The following NMNAT2 variants were observed in gnomAD, a reference collection of about 807,000 sequenced individuals.
NMNAT2 encodes nicotinamide nucleotide adenylyltransferase 2.
A neutral mutation model predicts 41.6 loss-of-function variants in NMNAT2; 11 were observed. The observed-to-expected ratio is 0.26, with a 90% CI of 0.17 to 0.44. The LOEUF is 0.44. Ranked by LOEUF, NMNAT2 falls within the 20% of genes least tolerant of loss-of-function variation. The pLI is 1.00. For synonymous variants in NMNAT2, 148 were observed against 151.2 expected (o/e 0.98, Z 0.16); for missense variants, 288 against 407.7 (o/e 0.71, Z 2.53).
At chr1:183,263,424 C>T (rs761142554) in intron 8 of NMNAT2, among the ~76,000 whole-genome samples, 21 of 152,188 alleles carry the variant, frequency 1.4e-4, no homozygotes, top group Non-Finnish European at 1.9e-4. Flanking sequence ...TGCACTAGGA[C>T]TCACTACTTA....
intron 1 of NMNAT2, among the ~76,000 whole-genome samples, chr1:183,294,665 C>CAATATCCTTTA (rs1477740226): frequency 6.6e-6 from 1 of 152,182 alleles, no homozygotes; most frequent in South Asian, 2.1e-4. Context: ...TGGCAGGCGC[C>CAATATCCTTTA]TGTAATCCTA....
chr1:183,322,157 T>G (rs1200610507), intron 1 of NMNAT2, among the ~76,000 whole-genome samples: 2 of 152,112 alleles, frequency 1.3e-5, no homozygotes, highest in Non-Finnish European at 2.9e-5. Context: ...TTAATAACCC[T>G]CACATTAAAC....
intron 8 of NMNAT2, among the ~76,000 whole-genome samples, chr1:183,275,614 G>T (rs1170071616): frequency 6.6e-6 from 1 of 151,664 alleles, no homozygotes; most frequent in Non-Finnish European, 1.5e-5. Context: ...GGTGTCCTGG[G>T]ACTCCAGGAT....
chr1:183,306,623 GAC>G (rs776798157), intron 1 of NMNAT2, among the ~76,000 whole-genome samples: 1 of 152,130 alleles, frequency 6.6e-6, no homozygotes, highest in African/African-American at 2.4e-5. Context: ...GACACAGAAA[GAC>G]ACAGTTTTAA....
At chr1:183,341,749 C>CAAAAAAAAAA (rs1475480146) in intron 1 of NMNAT2, among the ~76,000 whole-genome samples, 10 of 31,672 alleles carry the variant, frequency 3.2e-4, no homozygotes, top group Non-Finnish European at 5.8e-4. Context: ...AAAAAAAAAC[C>CAAAAAAAAAA]TGTTTCCTTC....
intron 1 of NMNAT2, among the ~76,000 whole-genome samples, chr1:183,406,439 T>C (rs1648955793): frequency 6.6e-6 from 1 of 152,166 alleles, no homozygotes; most frequent in South Asian, 2.1e-4. Context: ...GGAAGCCCAC[T>C]GTCAGCTCGA....
chr1:183,365,752 A>G (rs533704740), intron 1 of NMNAT2, among the ~76,000 whole-genome samples: 1 of 152,062 alleles, frequency 6.6e-6, no homozygotes, highest in East Asian at 1.9e-4. Context: ...AAAAAAAGGA[A>G]CAGTGACAGG....
At chr1:183,311,913 G>A (rs575158879) in intron 1 of NMNAT2, among the ~76,000 whole-genome samples, 4 of 152,162 alleles carry the variant, frequency 2.6e-5, no homozygotes, top group South Asian at 4.2e-4. Context: ...TGCTGTTCTC[G>A]TGATAGCAAG....
intron 1 of NMNAT2, among the ~76,000 whole-genome samples, chr1:183,351,223 A>G (rs1278803979): frequency 1.3e-5 from 2 of 152,256 alleles, no homozygotes; most frequent in South Asian, 2.1e-4. Flanking sequence ...GCCCAAAGGC[A>G]TGATAGGATT....
intron 1 of NMNAT2, among the ~76,000 whole-genome samples, chr1:183,362,680 GGTT>G (rs1230690320): frequency 1.3e-5 from 2 of 152,070 alleles, no homozygotes; most frequent in Non-Finnish European, 2.9e-5. Flanking sequence ...TGGGTATTTG[GGTT>G]GTTTTTTTCC....
chr1:183,329,056 C>T, intron 1 of NMNAT2, among the ~76,000 whole-genome samples: 1 of 152,080 alleles, frequency 6.6e-6, no homozygotes, highest in African/African-American at 2.4e-5. Flanking sequence ...GAGAAAGAGG[C>T]AAAGATGAGA....
intron 1 of NMNAT2, among the ~76,000 whole-genome samples, chr1:183,405,396 T>C (rs1158444048): frequency 2.0e-5 from 3 of 152,320 alleles, no homozygotes; most frequent in East Asian, 1.9e-4. Flanking sequence ...TGTTGTATTG[T>C]TCTGTTTACT....
At chr1:183,362,691 T>C (rs762043724) in intron 1 of NMNAT2, among the ~76,000 whole-genome samples, 10 of 152,232 alleles carry the variant, frequency 6.6e-5, no homozygotes, top group Non-Finnish European at 1.2e-4. Context: ...GTTGTTTTTT[T>C]CCTTTTATCT....
chr1:183,410,819 G>T (rs1178230539), intron 1 of NMNAT2, among the ~76,000 whole-genome samples: 1 of 150,988 alleles, frequency 6.6e-6, no homozygotes, highest in East Asian at 1.9e-4. Context: ...CTGGGCTCAA[G>T]TGATCCCTCC....
At chr1:183,283,734 G>T in intron 7 of NMNAT2, 1 of 496,084 alleles carries the variant, frequency 2.0e-6, no homozygotes, top group Non-Finnish European at 3.7e-6. Context: ...TTTTTTAGAG[G>T]AGGGAGTGGA....
intron 1 of NMNAT2, among the ~76,000 whole-genome samples, chr1:183,417,568 C>T (rs1355967434): frequency 6.6e-6 from 1 of 152,184 alleles, no homozygotes; most frequent in Non-Finnish European, 1.5e-5. Context: ...GGCCCCCTCC[C>T]TATTCACTCA....
At chr1:183,338,149 T>TAAAAAA (rs59064477) in intron 1 of NMNAT2, among the ~76,000 whole-genome samples, 35,753 of 94,834 alleles carry the variant, frequency 0.38, 6,911 homozygotes, top group East Asian at 0.67. Context: ...CCCATCTCTT[T>TAAAAAA]AAAAAAAAAA....
At chr1:183,371,688 T>C (rs543432744) in intron 1 of NMNAT2, among the ~76,000 whole-genome samples, 1 of 152,342 alleles carries the variant, frequency 6.6e-6, no homozygotes, top group Non-Finnish European at 1.5e-5. Context: ...TTCTGAGCTC[T>C]GCTGAGTCTG....
intron 1 of NMNAT2, chr1:183,304,630 C>T (rs763007912): frequency 2.5e-6 from 4 of 1,586,590 alleles, no homozygotes; most frequent in Non-Finnish European, 3.5e-6. Context: ...CTCCAGCTGC[C>T]CCGCCCTCAT....
Sources: gnomAD v4.1 joint callset for allele counts (sites outside exome capture counted in the v4.1 genomes callset) on GRCh38, gnomAD v4.1.1 for gene constraint, MANE v1.5 for transcripts, NCBI Gene and HGNC (gene_info 2026-07-23, HGNC 2026-07-21) for gene names.